PALD1: variants seen among roughly 807,000 people sequenced by gnomAD.
PALD1 encodes the protein phosphatase domain containing paladin 1.
PALD1 carries 57 observed loss-of-function variants against 96.0 expected under a neutral mutation model. That is an observed-to-expected ratio of 0.59 (90% CI 0.48 to 0.74). PALD1 has a LOEUF of 0.74. PALD1 is among the 30% of genes least tolerant of loss of function. PALD1 has a pLI of 0.00. For missense variants in PALD1, 1,063 were observed against 1,143.7 expected (o/e 0.93, Z 1.02); for synonymous variants, 464 against 473.6 (o/e 0.98, Z 0.26).
intron 17 of PALD1, among the ~76,000 whole-genome samples, chr10:70,542,088 C>T (rs1418764145): frequency 6.6e-6 from 1 of 152,138 alleles, no homozygotes; most frequent in African/African-American, 2.4e-5. Context: ...GTCAGCAGCA[C>T]AGTTGGCTCG....
chr10:70,483,661 C>T lies in PALD1; in HGVS notation c.-30+4602C>T, dbSNP rs117940125. Among the ~76,000 whole-genome samples the T allele has an allele frequency of 5.0e-3, 756 of 152,336 alleles. 4 individuals carry two copies. The highest frequency in any genetic ancestry group is 0.01 in the Middle Eastern group (3 of 294). On this transcript the variant is annotated intron_variant, in intron 1 of 19. Coordinates refer to ENST00000263563, the MANE Select transcript of PALD1 (RefSeq NM_014431.3). ...GGCCCTTCCTCTCTGTGGGCTGTGC[C>T]GGCCTCTGTCTGGCCTTCCCAGAAT...
At chr10:70,544,868 T>C (rs1847329337) in intron 17 of PALD1, among the ~76,000 whole-genome samples, 1 of 152,180 alleles carries the variant, frequency 6.6e-6, no homozygotes, top group South Asian at 2.1e-4. Context: ...ACTGTTCCTT[T>C]TTCTCCTCCC....
chr10:70,541,441 C>T (rs1282263600), intron 16 of PALD1, 22 bp from the exon 17 acceptor site: 2 of 1,611,196 alleles, frequency 1.2e-6, no homozygotes, highest in African/African-American at 1.3e-5. Context: ...GGGCTTCTGT[C>T]TCAGCAGCTG....
intron 1 of PALD1, among the ~76,000 whole-genome samples, chr10:70,525,368 A>G (rs1204240083): frequency 6.6e-6 from 1 of 152,046 alleles, no homozygotes; most frequent in Non-Finnish European, 1.5e-5. Flanking sequence ...TTCTTTGAAC[A>G]CTTGATCTGC....
At position 70,538,943 on chromosome 10, in the gene PALD1, G is replaced by A. The variant is rs1313770980; in HGVS notation, c.1504G>A (p.Asp502Asn). 4 of 1,613,784 alleles carry A rather than the reference G, an allele frequency of 2.5e-6. No individual in the cohort carries two copies. The highest frequency in any genetic ancestry group is 3.4e-6 in the Non-Finnish European group (4 of 1,180,014). ...PDALSTVREM[D>N]VANFRRVPRM... ...CGCGCTCAGCACTGTCAGAGAGATG[G>A]ATGTGGCCAACTTCCGGCGGGTGCC... is the stretch of plus-strand genomic sequence containing the variant. The change falls in exon 13 of 20, where the codon GAT (aspartate) becomes AAT (asparagine). Residue 502 changes from aspartate to asparagine, a missense_variant. Coordinates refer to ENST00000263563, the MANE Select transcript of PALD1 (RefSeq NM_014431.3).
chr10:70,526,624 G>T (rs894676266), intron 2 of PALD1, among the ~76,000 whole-genome samples: 1 of 152,152 alleles, frequency 6.6e-6, no homozygotes, highest in Non-Finnish European at 1.5e-5. Flanking sequence ...GCATGTTCTG[G>T]TGTTCTGAGA....
intron 18 of PALD1, among the ~76,000 whole-genome samples, chr10:70,553,580 C>T (rs1243707722): frequency 6.6e-6 from 1 of 152,218 alleles, no homozygotes; most frequent in Non-Finnish European, 1.5e-5. Flanking sequence ...CGACCACCGT[C>T]CTCACTTTGC....
chr10:70,472,777 C>T, the PALD1 span, among the ~76,000 whole-genome samples: 1 of 152,070 alleles, frequency 6.6e-6, no homozygotes, highest in South Asian at 2.1e-4. Context: ...TCTCTGCATG[C>T]CCCGGGGGCT....
At chr10:70,460,983 A>G in the PALD1 span, among the ~76,000 whole-genome samples, 7 of 152,344 alleles carry the variant, frequency 4.6e-5, no homozygotes, top group South Asian at 1.0e-3. Flanking sequence ...TGAACCCAAG[A>G]GGCAGAGGTT....
chr10:70,557,923 GC>G (rs1847642983), intron 18 of PALD1, among the ~76,000 whole-genome samples: 1 of 99,328 alleles, frequency 1.0e-5, no homozygotes, highest in South Asian at 4.0e-4. Context: ...GGCCTTGTTG[GC>G]TCTTCCTTTT....
At chr10:70,460,192 G>A in the PALD1 span, among the ~76,000 whole-genome samples, 1 of 152,042 alleles carries the variant, frequency 6.6e-6, no homozygotes, top group Non-Finnish European at 1.5e-5. Flanking sequence ...CCTGCCCCAG[G>A]CCTCCCCTCC....
intron 2 of PALD1, among the ~76,000 whole-genome samples, chr10:70,527,929 C>T (rs1007189020): frequency 1.1e-4 from 16 of 151,552 alleles, no homozygotes; most frequent in East Asian, 1.9e-4. Flanking sequence ...ATCCCTCCCC[C>T]GTCCCCCCAC....
chr10:70,564,459 G>A lies in PALD1; in HGVS notation c.2358G>A (p.Ala786=), dbSNP rs376056634. The A allele has an allele frequency of 5.3e-5, 85 of 1,614,118 alleles. No homozygotes were observed. The highest frequency in any genetic ancestry group is 6.3e-5 in the Non-Finnish European group (74 of 1,179,982). The change falls in exon 19 of 20, where the codon GCG becomes GCA. Residue 786 remains alanine (A), a synonymous_variant. Transcript: ENST00000263563. ...ERYVCLILFN[A]YLHLEKADSW... ...ATGTCTGCCTGATTCTCTTCAACGCGTACCTCCACCTGGAGAAGGCCGACT... is the reference window on the plus strand; with the variant it reads ...ATGTCTGCCTGATTCTCTTCAACGCATACCTCCACCTGGAGAAGGCCGACT...
chr10:70,476,448 A>T (rs1241039643), upstream of PALD1, among the ~76,000 whole-genome samples: 1 of 152,206 alleles, frequency 6.6e-6, no homozygotes, highest in Non-Finnish European at 1.5e-5. Context: ...CCCCATAGCC[A>T]GCAGACAGCC....
chr10:70,562,270 T>A (rs1203822735), intron 18 of PALD1, among the ~76,000 whole-genome samples: 2 of 152,108 alleles, frequency 1.3e-5, no homozygotes, highest in Non-Finnish European at 2.9e-5. Flanking sequence ...CCTGTCCCCA[T>A]CTCCAGGGCC....
rs549200338 is a variant in PALD1, at chr10:70,526,855, G to A, written c.185+719G>A. ...TCCCCTCCTCTGGGTCTTCCAGGAT[G>A]CAGGAAGCAGGAGATGACTAGCTAG... is the stretch of plus-strand genomic sequence containing the variant. On this transcript the variant is annotated intron_variant, in intron 2 of 19. Transcript: ENST00000263563. Among the ~76,000 whole-genome samples the A allele has an allele frequency of 1.4e-4, 21 of 152,282 alleles. No individual in the cohort carries two copies. In the South Asian group the frequency reaches 3.7e-3, roughly 27 times the overall value.
At chr10:70,468,702 CTGTGTGTGTGTGTGTGTGTGTGTG>C in the PALD1 span, among the ~76,000 whole-genome samples, 5 of 123,806 alleles carry the variant, frequency 4.0e-5, no homozygotes, top group East Asian at 2.5e-4. Context: ...TGAGGCAGGA[CTGTGTGTGTGTGTGTGTGTGTGTG>C]TGTGTGTGTG....
At chr10:70,482,072 C>T (rs746887562) in intron 1 of PALD1, among the ~76,000 whole-genome samples, 7 of 152,154 alleles carry the variant, frequency 4.6e-5, no homozygotes, top group Non-Finnish European at 1.0e-4. Context: ...ATGAGCCATC[C>T]CCTGTGGCCA....
At chr10:70,517,273 C>CA (rs1396979942) in intron 1 of PALD1, among the ~76,000 whole-genome samples, 2 of 151,916 alleles carry the variant, frequency 1.3e-5, no homozygotes, top group Non-Finnish European at 2.9e-5. Flanking sequence ...AGGATGGGGA[C>CA]ACCTCTTGTT....
Sources: gnomAD v4.1 joint callset for allele counts (sites outside exome capture counted in the v4.1 genomes callset) on GRCh38, gnomAD v4.1.1 for gene constraint, MANE v1.5 for transcripts, NCBI Gene and HGNC (gene_info 2026-07-23, HGNC 2026-07-21) for gene names.